The following SRSF12 variants were observed in gnomAD, a reference collection of about 807,000 sequenced individuals.
The protein encoded by SRSF12 is serine and arginine rich splicing factor 12.
Under a neutral mutation model 34.1 loss-of-function variants are expected in SRSF12, and 21 were observed. That is an observed-to-expected ratio of 0.62 (90% CI 0.44 to 0.89). The LOEUF is 0.89. Ranked by LOEUF, SRSF12 falls within the 40% of genes least tolerant of loss-of-function variation. The pLI, the probability that SRSF12 is intolerant of heterozygous loss-of-function variation, is 0.00. For missense variants in SRSF12, 278 were observed against 327.8 expected, an observed-to-expected ratio of 0.85 and a Z score of 1.17; for synonymous variants, 111 against 110.8, an observed-to-expected ratio of 1.00 and a Z score of -0.01.
At chr6:89,114,594 T>C (rs1216322750) in intron 1 of SRSF12, among the ~76,000 whole-genome samples, 2 of 146,568 alleles carry the variant, frequency 1.4e-5, no homozygotes, top group East Asian at 3.9e-4. Context: ...TGTCTGCCAG[T>C]GGCAAAGCTA....
intron 1 of SRSF12, among the ~76,000 whole-genome samples, chr6:89,108,272 T>C (rs934921491): frequency 6.6e-5 from 10 of 152,208 alleles, no homozygotes; most frequent in Non-Finnish European, 1.0e-4. Flanking sequence ...TTACAGTGCA[T>C]TTATATGTTA....
intron 1 of SRSF12, among the ~76,000 whole-genome samples, chr6:89,116,299 T>C (rs1443295447): frequency 6.6e-6 from 1 of 152,238 alleles, no homozygotes; most frequent in African/African-American, 2.4e-5. Context: ...CATTTTCAAG[T>C]TGTCTGTTCA....
At chr6:89,114,100 A>G (rs1393424179) in intron 1 of SRSF12, among the ~76,000 whole-genome samples, 1 of 152,192 alleles carries the variant, frequency 6.6e-6, no homozygotes, top group African/African-American at 2.4e-5. Context: ...TACTTAACCT[A>G]AACGTTGATT....
chr6:89,103,606 C>T (rs1768637806), intron 4 of SRSF12, among the ~76,000 whole-genome samples: 1 of 152,108 alleles, frequency 6.6e-6, no homozygotes, highest in African/African-American at 2.4e-5. Context: ...GCTGGGATTA[C>T]AGGCGTAAGC....
At chr6:89,107,359 C>G in intron 1 of SRSF12, 101 bp from the exon 2 acceptor site, 5 of 809,194 alleles carry the variant, frequency 6.2e-6, no homozygotes, top group Non-Finnish European at 1.0e-5. Flanking sequence ...AGAACATCAT[C>G]TAGACCAGCA....
Position 89,117,835 on chromosome 6 carries a change from G to C in SRSF12, c.53C>G (p.Ala18Gly). The C allele has an allele frequency of 8.3e-6, 13 of 1,558,450 alleles. No individual in the cohort carries two copies. The highest frequency in any genetic ancestry group is 9.5e-6 in the Non-Finnish European group (11 of 1,154,892). The part of the protein sequence containing the change: ...PNTSLFIRNV[A>G]DATRPEDLRR... ...CGCGGCCGTTCACCTGGTGGCGTCCGCGACGTTCCTGATGAACAGGGAGGT... is the reference window on the plus strand; with the variant it reads ...CGCGGCCGTTCACCTGGTGGCGTCCCCGACGTTCCTGATGAACAGGGAGGT... Residue 18 changes from alanine (A) to glycine (G), a missense_variant, in exon 1 of 5, where the codon GCG (alanine) becomes GGG (glycine). Ala to Gly is a moderately conservative substitution (Grantham distance 60). Coordinates refer to ENST00000452027, the MANE Select transcript of SRSF12 (RefSeq NM_080743.5).
At chr6:89,107,732 C>T (rs1018558774) in intron 1 of SRSF12, among the ~76,000 whole-genome samples, 1 of 151,738 alleles carries the variant, frequency 6.6e-6, no homozygotes, top group Non-Finnish European at 1.5e-5. Context: ...AGAGTGAGAC[C>T]CTGTCTCAAA....
chr6:89,115,697 C>T (rs1446356066), intron 1 of SRSF12, among the ~76,000 whole-genome samples: 3 of 145,216 alleles, frequency 2.1e-5, no homozygotes, highest in Non-Finnish European at 4.5e-5. Flanking sequence ...AGTGCAGTGG[C>T]GCGATGTTGG....
intron 1 of SRSF12, among the ~76,000 whole-genome samples, chr6:89,114,690 T>C (rs1769210090): frequency 1.3e-5 from 2 of 152,172 alleles, no homozygotes; most frequent in Non-Finnish European, 1.5e-5. Context: ...ATGAAGTACA[T>C]AGATCAGAGA....
intron 1 of SRSF12, 75 bp downstream of exon 1, chr6:89,117,748 C>A: frequency 1.4e-6 from 2 of 1,428,970 alleles, no homozygotes; most frequent in Non-Finnish European, 1.8e-6. Flanking sequence ...TCCGCCGGGC[C>A]TCGGCCGTGC....
intron 4 of SRSF12, among the ~76,000 whole-genome samples, chr6:89,102,739 C>A (rs1480008279): frequency 6.6e-6 from 1 of 151,094 alleles, no homozygotes; most frequent in Non-Finnish European, 1.5e-5. Flanking sequence ...CCTTTTTTTA[C>A]ATTTTAATAA....
At position 89,098,671 on chromosome 6, in the gene SRSF12, A is replaced by C; in HGVS notation, c.693T>G (p.Tyr231Ter). The change falls in exon 5 of 5, where the codon TAT becomes TAG. Residue 231 changes from tyrosine to a stop codon, truncating the protein, a stop_gained. Coordinates refer to ENST00000452027, the MANE Select transcript of SRSF12 (RefSeq NM_080743.5). LOFTEE classifies it high-confidence loss of function. ...ARSPCKSPKG[Y>*]TNSETKVQTA... ...TTTGTACTTTAGTTTCAGAATTGGT[A>C]TACCCTTTGGGAGATTTACACGGGG... 6.2e-7 allele frequency: 1 copy of C among 1,614,030 alleles called. No homozygotes were observed. Among genetic ancestry groups the C allele is most frequent in the Non-Finnish European group, 8.5e-7 (1 of 1,179,900 alleles).
chr6:89,112,801 C>A (rs1769120957), intron 1 of SRSF12, among the ~76,000 whole-genome samples: 3 of 152,076 alleles, frequency 2.0e-5, no homozygotes, highest in African/African-American at 7.2e-5. Flanking sequence ...CAATGATGAA[C>A]CATATATATC....
chr6:89,106,956 CT>C lies in SRSF12; in HGVS notation c.170+197del. 4.8e-6 allele frequency: 3 copies of C among 626,058 alleles called. No individual in the cohort carries two copies. The Middle Eastern group carries it at 7.6e-4, about 158-fold the overall frequency. The allele number at this position is 626,058 out of a possible 1,614,324, so 38.8% of individuals were successfully genotyped here. ...TTTTGTCTCGCCTGCTGGGTTTATG[CT>C]TGGATTCTAGCTAACAGGTTGGTTC... On this transcript the variant is annotated intron_variant, in intron 2 of 4. Coordinates refer to ENST00000452027, the MANE Select transcript of SRSF12 (RefSeq NM_080743.5).
intron 1 of SRSF12, among the ~76,000 whole-genome samples, chr6:89,109,089 CA>C (rs1240632400): frequency 6.6e-6 from 1 of 152,152 alleles, no homozygotes. Context: ...ACAAGAAAAA[CA>C]CAATTCCTGC....
intron 2 of SRSF12, chr6:89,105,760 C>A (rs1459187775): frequency 5.3e-5 from 15 of 283,372 alleles, no homozygotes; most frequent in Non-Finnish European, 1.3e-5. Context: ...ACAAAACAAA[C>A]ATGTAACTGT....
At chr6:89,103,309 T>A (rs1768620636) in intron 4 of SRSF12, among the ~76,000 whole-genome samples, 1 of 152,000 alleles carries the variant, frequency 6.6e-6, no homozygotes, top group African/African-American at 2.4e-5. Context: ...TGTAATGCAT[T>A]TAGAAACAAT....
At chr6:89,111,886 A>G (rs1769065864) in intron 1 of SRSF12, among the ~76,000 whole-genome samples, 1 of 152,158 alleles carries the variant, frequency 6.6e-6, no homozygotes, top group Non-Finnish European at 1.5e-5. Context: ...CCTAGACTGG[A>G]GTTCCATTAA....
At chr6:89,104,283 C>T (rs1768684439) in intron 4 of SRSF12, among the ~76,000 whole-genome samples, 1 of 144,800 alleles carries the variant, frequency 6.9e-6, no homozygotes, top group Non-Finnish European at 1.5e-5. Flanking sequence ...GTCGCTCAGG[C>T]TGGAGTGCAA....
Sources: gnomAD v4.1 joint callset for allele counts (sites outside exome capture counted in the v4.1 genomes callset) on GRCh38, gnomAD v4.1.1 for gene constraint, MANE v1.5 for transcripts, NCBI Gene and HGNC (gene_info 2026-07-23, HGNC 2026-07-21) for gene names.